FAM168A: variants seen among roughly 807,000 people sequenced by gnomAD.
FAM168A encodes family with sequence similarity 168 member A.
A neutral mutation model predicts 28.5 loss-of-function variants in FAM168A; 3 were observed. That is an observed-to-expected ratio of 0.11 (90% CI 0.05 to 0.27). The LOEUF (loss-of-function observed/expected upper bound fraction) is 0.27, where lower values mean the gene tolerates loss of function less well. FAM168A is among the 10% of genes least tolerant of loss of function. The probability of loss-of-function intolerance (pLI) is 1.00; values close to 1 mark genes in which losing one functional copy is unlikely to be tolerated. For synonymous variants in FAM168A, 122 were observed against 124.2 expected (o/e 0.98, Z 0.12); for missense variants, 222 against 311.5 (o/e 0.71, Z 2.16).
At chr11:73,483,964 T>C (rs1026847861) in intron 1 of FAM168A, among the ~76,000 whole-genome samples, 1 of 152,192 alleles carries the variant, frequency 6.6e-6, no homozygotes, top group Non-Finnish European at 1.5e-5. Context: ...GAGAATATTG[T>C]CAGATGTAAT....
chr11:73,567,242 T>C (rs919270702), intron 1 of FAM168A, among the ~76,000 whole-genome samples: 1 of 152,116 alleles, frequency 6.6e-6, no homozygotes, highest in African/African-American at 2.4e-5. Flanking sequence ...TATGAGAAGA[T>C]AAGGAAATCT....
chr11:73,547,761 A>T (rs1943777130), intron 1 of FAM168A, among the ~76,000 whole-genome samples: 1 of 152,162 alleles, frequency 6.6e-6, no homozygotes, highest in South Asian at 2.1e-4. Context: ...AATCTTGAAG[A>T]CATATTTGCA....
In FAM168A at chr11:73,403,652, T is replaced by C. The variant is rs913317854; in HGVS notation, c.*3111A>G. On this transcript the variant is annotated 3_prime_UTR_variant, in exon 8 of 8. Transcript: ENST00000356467. ...TACCTCCCACTAGATCTCTGTGACC[T>C]TACCAGTAACTGTGCCCATCCTACC... 2 of 152,210 alleles carry C rather than the reference T, an allele frequency of 1.3e-5. No individual in the cohort carries two copies. Among genetic ancestry groups the C allele is most frequent in the South Asian group, 4.1e-4 (2 of 4,824 alleles). 9.4% of individuals were successfully genotyped at this position (152,210 alleles called of 1,614,324 possible).
intron 1 of FAM168A, among the ~76,000 whole-genome samples, chr11:73,506,057 C>T (rs1855109965): frequency 6.6e-6 from 1 of 152,166 alleles, no homozygotes; most frequent in South Asian, 2.1e-4. Flanking sequence ...CACGCACTCT[C>T]TCTCACCCAC....
intron 3 of FAM168A, among the ~76,000 whole-genome samples, chr11:73,426,703 C>CTGTG (rs34499254): frequency 0.03 from 4,355 of 144,262 alleles, 168 homozygotes; most frequent in Admixed American, 0.081. Context: ...CCAAAATATG[C>CTGTG]TGTGTGTGTG....
chr11:73,597,406 A>G (rs1292685142), intron 1 of FAM168A, among the ~76,000 whole-genome samples: 1 of 150,888 alleles, frequency 6.6e-6, no homozygotes, highest in African/African-American at 2.4e-5. Context: ...CCCCAGGTCC[A>G]CCCCAAATTC....
chr11:73,522,246 G>A (rs117136786), intron 1 of FAM168A, among the ~76,000 whole-genome samples: 1,800 of 151,468 alleles, frequency 0.012, 23 homozygotes, highest in Non-Finnish European at 0.02. Context: ...TGACATTTTG[G>A]AAAGCAATTT....
At chr11:73,424,791 T>C (rs980609323) in intron 3 of FAM168A, among the ~76,000 whole-genome samples, 1 of 152,186 alleles carries the variant, frequency 6.6e-6, no homozygotes, top group Non-Finnish European at 1.5e-5. Context: ...CGCCTTTTAG[T>C]GCCATGATCC....
At chr11:73,501,484 A>T (rs58602796) in intron 1 of FAM168A, among the ~76,000 whole-genome samples, 8,573 of 152,262 alleles carry the variant, frequency 0.056, 846 homozygotes, top group African/African-American at 0.2. Flanking sequence ...AAATCATAAC[A>T]AACAGTCTCT....
chr11:73,506,974 A>C (rs576887155), intron 1 of FAM168A, among the ~76,000 whole-genome samples: 11 of 152,322 alleles, frequency 7.2e-5, no homozygotes, highest in African/African-American at 2.6e-4. Context: ...AAGATTCTGT[A>C]GGTTTTTAAA....
At chr11:73,448,890 A>T (rs907831537) in intron 2 of FAM168A, among the ~76,000 whole-genome samples, 4 of 152,190 alleles carry the variant, frequency 2.6e-5, no homozygotes, top group East Asian at 1.9e-4. Flanking sequence ...TTTATGTAAG[A>T]AAAATATACC....
rs1413339082 is a variant in FAM168A, at chr11:73,419,992, C to T, written c.159G>A (p.Leu53=). 1 of 1,613,490 alleles carries T rather than the reference C, an allele frequency of 6.2e-7. No individual in the cohort carries two copies. Among genetic ancestry groups the T allele is most frequent in the Admixed American group, 1.7e-5 (1 of 59,966 alleles). Residue 53 remains leucine (L), a synonymous_variant, in exon 4 of 8, where the codon CTG becomes CTA. Transcript: ENST00000356467. ...TCTGTGGCCAGGCCTGTTTCATCAG[C>T]AGAGTTGCTTAAGGGAAGACACAAG... ...TNSPSYAPAT[L]LMKQAWPQNS...
In FAM168A at chr11:73,405,182, C is replaced by T. The variant is rs1866483146; in HGVS notation, c.*1581G>A. 6.6e-6 allele frequency: 1 copy of T among 152,274 alleles called. No individual in the cohort carries two copies. Among genetic ancestry groups the T allele is most frequent in the Non-Finnish European group, 1.5e-5 (1 of 68,046 alleles). 9.4% of individuals were successfully genotyped at this position (152,274 alleles called of 1,614,324 possible). On this transcript the variant is annotated 3_prime_UTR_variant, in exon 8 of 8. Coordinates refer to ENST00000356467, the MANE Select transcript of FAM168A (RefSeq NM_015159.3). The stretch of plus-strand genomic sequence containing the variant: ...CTCCTTTTCGGCCAGTCCACCTGCT[C>T]CTTCTCCTGGAGGTGGAGTCAGGTA...
chr11:73,560,714 T>C (rs1328665914), intron 1 of FAM168A, among the ~76,000 whole-genome samples: 1 of 152,156 alleles, frequency 6.6e-6, no homozygotes, highest in Non-Finnish European at 1.5e-5. Flanking sequence ...ACATTTCTGG[T>C]AGGAATGTAA....
rs1866613404 is a variant in FAM168A, at chr11:73,411,664, C to CAGGCTGG, written c.278-129_278-128insCCAGCCT. On this transcript the variant is annotated intron_variant, in intron 4 of 7. Coordinates refer to ENST00000356467, the MANE Select transcript of FAM168A (RefSeq NM_015159.3). ...TCCAGGCTGGAAACAGAGATGAGAA[C>CAGGCTGG]AAACAGAGAACAGGGCTCCACCCAG... The CAGGCTGG allele has an allele frequency of 3.0e-6, 3 of 1,006,904 alleles. No individual in the cohort carries two copies. In the East Asian group the frequency reaches 7.8e-5, roughly 26 times the overall value. The allele number at this position is 1,006,904 out of a possible 1,614,324, so 62.4% of individuals were successfully genotyped here.
At chr11:73,494,821 G>A (rs60206663) in intron 1 of FAM168A, among the ~76,000 whole-genome samples, 3,134 of 152,106 alleles carry the variant, frequency 0.021, 116 homozygotes, top group African/African-American at 0.072. Flanking sequence ...CCAACATGGC[G>A]AAACCCCATC....
chr11:73,427,153 G>A (rs934642504), intron 3 of FAM168A, among the ~76,000 whole-genome samples: 12 of 152,046 alleles, frequency 7.9e-5, no homozygotes, highest in Admixed American at 7.2e-4. Context: ...CACCACGCCT[G>A]GCTAATTTTT....
At position 73,549,090 on chromosome 11, in the gene FAM168A, C is replaced by T. The variant is rs375424618; in HGVS notation, c.-19+48833G>A. Among the ~76,000 whole-genome samples the T allele has an allele frequency of 3.5e-4, 53 of 152,198 alleles. 1 individual carries two copies. In the South Asian group the frequency reaches 9.1e-3, roughly 26 times the overall value. On this transcript the variant is annotated intron_variant, in intron 1 of 7. Coordinates refer to ENST00000356467, the MANE Select transcript of FAM168A (RefSeq NM_015159.3). Reference sequence around the variant, plus strand: ...CCAAGTAGCTGGGATTACAGGCATGCGCCACCATGCCCAGCTAATTTTTGT... The same window carrying T: ...CCAAGTAGCTGGGATTACAGGCATGTGCCACCATGCCCAGCTAATTTTTGT...
rs117454408 is a variant in FAM168A at position 73,492,504 on chromosome 11, C to T, written c.-18-24012G>A. On this transcript the variant is annotated intron_variant, in intron 1 of 7. Transcript: ENST00000356467. ...AAATTTCAAAAAAATTAGCCGGGCA[C>T]GGTGGCGTGCACCTGTAGTCCCAGC... Among the ~76,000 whole-genome samples, 350 of 152,040 alleles carry T rather than the reference C, an allele frequency of 2.3e-3. 4 individuals are homozygous for T. The highest frequency in any genetic ancestry group is 3.3e-3 in the Admixed American group (51 of 15,264).
Sources: gnomAD v4.1 joint callset for allele counts (sites outside exome capture counted in the v4.1 genomes callset) on GRCh38, gnomAD v4.1.1 for gene constraint, MANE v1.5 for transcripts, NCBI Gene and HGNC (gene_info 2026-07-23, HGNC 2026-07-21) for gene names.